P4HB: variants seen among roughly 807,000 people sequenced by gnomAD.
P4HB encodes the protein prolyl 4-hydroxylase subunit beta, also known as protein disulfide-isomerase.
Under a neutral mutation model 52.6 loss-of-function variants are expected in P4HB, and 20 were observed. That is an observed-to-expected ratio of 0.38 (90% CI 0.27 to 0.55). P4HB has a LOEUF of 0.55. Among genes scored for constraint, P4HB ranks in the 20% least tolerant of loss-of-function variants. The probability of loss-of-function intolerance (pLI) is 0.74; values close to 1 mark genes in which losing one functional copy is unlikely to be tolerated. For synonymous variants in P4HB, 296 were observed against 277.9 expected (o/e 1.07, Z -0.65); for missense variants, 601 against 669.2 (o/e 0.90, Z 1.12).
chr17:81,860,490 G>T lies in P4HB; in HGVS notation c.-19C>A, dbSNP rs763222254. 2 of 1,254,052 alleles carry T rather than the reference G, an allele frequency of 1.6e-6. No homozygotes were observed. The highest frequency in any genetic ancestry group is 1.0e-6 in the Non-Finnish European group (1 of 997,108). The allele number at this position is 1,254,052 out of a possible 1,614,324, so 77.7% of individuals were successfully genotyped here. A position where few individuals can be genotyped will look rare whatever the true frequency, so the allele number is the denominator to read the frequency against. On this transcript the variant is annotated 5_prime_UTR_variant, in exon 1 of 11. Transcript: ENST00000331483. ...GCAGCATGTCGGACACGGATCAGGC[G>T]GGGCGCTTCGGTTGGCGCCGCCGGG...
chr17:81,845,354 G>A (rs935761265), intron 9 of P4HB, 124 bp from the exon 10 acceptor site: 1 of 915,122 alleles, frequency 1.1e-6, no homozygotes, highest in African/African-American at 1.6e-5. Context: ...CCGGAATCCA[G>A]CACATTGGGA....
intron 4 of P4HB, chr17:81,847,548 C>A: frequency 1.7e-6 from 1 of 594,854 alleles, no homozygotes. Flanking sequence ...CTTATGGCTG[C>A]CCGTGAATTC....
chr17:81,860,366 C>G lies in P4HB; in HGVS notation c.106G>C (p.Glu36Gln). Residue 36 changes from glutamate to glutamine, a missense_variant, in exon 1 of 11, where the codon GAG becomes CAG. Coordinates refer to ENST00000331483, the MANE Select transcript of P4HB (RefSeq NM_000918.4). Reference sequence around the variant, plus strand: ...AGGTACTTGTGGGCCGCCAGCGCCTCCGCGAAGTTGCTTTTCCGCAGCACC... The same window carrying G: ...AGGTACTTGTGGGCCGCCAGCGCCTGCGCGAAGTTGCTTTTCCGCAGCACC... ...VLVLRKSNFA[E>Q]ALAAHKYLLV... is the part of the protein sequence containing the mutation. 6.8e-7 allele frequency: 1 copy of G among 1,473,724 alleles called. No individual in the cohort carries two copies. 91.3% of individuals were successfully genotyped at this position (1,473,724 alleles called of 1,614,324 possible).
intron 9 of P4HB, 116 bp downstream of exon 9, chr17:81,845,445 C>G: frequency 9.3e-7 from 1 of 1,072,286 alleles, no homozygotes; most frequent in Non-Finnish European, 1.3e-6. Context: ...GGAGCTCCCA[C>G]AGCTCTTCTC....
chr17:81,859,432 A>G, intron 1 of P4HB, 45 bp from the exon 2 acceptor site: 1 of 1,545,830 alleles, frequency 6.5e-7, no homozygotes, highest in South Asian at 1.1e-5. Flanking sequence ...TGATCCCTAA[A>G]GCAGCCTTGA....
rs749463599 is a variant in P4HB, at chr17:81,855,334, G to A, written c.487-55C>T. ...CATGATCCCGCAGCACCAAGCAGTAGGGCAGACCCTGTAGAGCCCAGGCCA... is the reference window on the plus strand; with the variant it reads ...CATGATCCCGCAGCACCAAGCAGTAAGGCAGACCCTGTAGAGCCCAGGCCA... On this transcript the variant is annotated intron_variant, in intron 3 of 10. Transcript: ENST00000331483. This position sits in a 1 kb window ranked among gnomAD's most constrained non-coding sequence, Gnocchi z 4.3. The A allele has an allele frequency of 6.2e-7, 1 of 1,611,414 alleles. No individual in the cohort carries two copies. Among genetic ancestry groups the A allele is most frequent in the Non-Finnish European group, 8.5e-7 (1 of 1,178,380 alleles).
chr17:81,860,025 G>A (rs906858684), intron 1 of P4HB: 3 of 265,518 alleles, frequency 1.1e-5, no homozygotes, highest in African/African-American at 6.7e-5. Context: ...CCCCGGGGAG[G>A]ACTCGGCAAG....
At chr17:81,844,828 C>T (rs541699981) in intron 10 of P4HB, among the ~76,000 whole-genome samples, 3 of 152,378 alleles carry the variant, frequency 2.0e-5, no homozygotes, top group Admixed American at 6.5e-5. Context: ...GGGGATGGAC[C>T]TCTGAGTCCA....
In P4HB at chr17:81,845,133, A is replaced by G. The variant is rs762356085; in HGVS notation, c.1446+11T>C. On this transcript the variant is annotated intron_variant, in intron 10 of 10. Coordinates refer to ENST00000331483, the MANE Select transcript of P4HB (RefSeq NM_000918.4). ...TCCCAGAGACCAGCCCAGGGCTGTG[A>G]CCCCACTCACGTCATCATCCCCTGC... 6.2e-7 allele frequency: 1 copy of G among 1,602,736 alleles called. No homozygotes were observed. The highest frequency in any genetic ancestry group is 8.5e-7 in the Non-Finnish European group (1 of 1,170,528).
Position 81,845,745 on chromosome 17 carries a change from G to A in P4HB, c.1178-3C>T. On this transcript the variant is annotated splice_polypyrimidine_tract_variant and splice_region_variant and intron_variant, in intron 8 of 10. Transcript: ENST00000331483. ...GCAGTGACCACACCATGGGGCATCT[G>A]AAAAGAAAGCAGTTCTAGGGTGTGT... is the stretch of plus-strand genomic sequence containing the variant. 6.2e-7 allele frequency: 1 copy of A among 1,612,564 alleles called. No individual in the cohort carries two copies. The highest frequency in any genetic ancestry group is 8.5e-7 in the Non-Finnish European group (1 of 1,178,882).
rs2038956618 is a variant in P4HB at position 81,858,957 on chromosome 17, G to A, written c.352+224C>T. ...GACCTCAGCCAGCCGCCCCCAGGAT[G>A]GCACCAGACAAGACAGGTTCTCCAT... On this transcript the variant is annotated intron_variant, in intron 2 of 10. Transcript: ENST00000331483. The A allele has an allele frequency of 5.4e-6, 3 of 557,220 alleles. No homozygotes were observed. In the African/African-American group the frequency reaches 5.7e-5, roughly 11 times the overall value. The allele number at this position is 557,220 out of a possible 1,614,324, so 34.5% of individuals were successfully genotyped here.
At chr17:81,853,647 G>A (rs1327080954) in intron 4 of P4HB, among the ~76,000 whole-genome samples, 1 of 152,018 alleles carries the variant, frequency 6.6e-6, no homozygotes, top group Non-Finnish European at 1.5e-5. Context: ...CCCAATCCCA[G>A]AGGCTGCCCG....
chr17:81,846,059 A>G lies in P4HB; in HGVS notation c.1057-68T>C. ...GGGACCACAGAGCTCCCCAACCCTC[A>G]CCCTGCCCGGGACTGAGGTGCGTGG... On this transcript the variant is annotated intron_variant, in intron 7 of 10. Coordinates refer to ENST00000331483, the MANE Select transcript of P4HB (RefSeq NM_000918.4). The surrounding 1 kb of genome is among the most constrained non-coding windows in gnomAD (Gnocchi z 5.7). 1 of 1,488,524 alleles carries G rather than the reference A, an allele frequency of 6.7e-7. No homozygotes were observed. The highest frequency in any genetic ancestry group is 8.9e-7 in the Non-Finnish European group (1 of 1,119,342). The allele number at this position is 1,488,524 out of a possible 1,614,324, so 92.2% of individuals were successfully genotyped here. A position where few individuals can be genotyped will look rare whatever the true frequency, so the allele number is the denominator to read the frequency against.
intron 4 of P4HB, among the ~76,000 whole-genome samples, chr17:81,852,774 C>A (rs994937409): frequency 1.3e-5 from 2 of 152,230 alleles, no homozygotes; most frequent in Admixed American, 6.5e-5. Context: ...CCAGCCTTCG[C>A]GGACACATAT....
chr17:81,856,647 CTT>C (rs112230345), intron 2 of P4HB, among the ~76,000 whole-genome samples: 79 of 128,410 alleles, frequency 6.2e-4, no homozygotes, highest in African/African-American at 1.8e-3. Context: ...AATGTTTCTT[CTT>C]TTTTTTTTTT....
intron 10 of P4HB, 68 bp from the exon 11 acceptor site, chr17:81,844,160 AC>A: frequency 9.3e-7 from 1 of 1,075,860 alleles, no homozygotes; most frequent in Non-Finnish European, 1.4e-6. Context: ...GGCCCCCAGC[AC>A]CCCACACTGC....
In P4HB at chr17:81,843,806, G is replaced by A; in HGVS notation, c.*206C>T. ...CCACCAGGGTGGGCTGCCTGGAGAT[G>A]GATCCCTTTCCAAAAACCGAAAAGC... On this transcript the variant is annotated 3_prime_UTR_variant, in exon 11 of 11. Coordinates refer to ENST00000331483, the MANE Select transcript of P4HB (RefSeq NM_000918.4). 1.6e-6 allele frequency: 1 copy of A among 609,148 alleles called. No homozygotes were observed. The highest frequency in any genetic ancestry group is 2.9e-6 in the Non-Finnish European group (1 of 342,494). The allele number at this position is 609,148 out of a possible 1,614,324, so 37.7% of individuals were successfully genotyped here.
intron 2 of P4HB, chr17:81,858,909 C>A: frequency 2.2e-6 from 1 of 458,886 alleles, no homozygotes; most frequent in South Asian, 2.5e-5. Flanking sequence ...GTCTCCCTCT[C>A]CTCGCTGGTC....
At chr17:81,852,256 T>C (rs1248246820) in intron 4 of P4HB, among the ~76,000 whole-genome samples, 2 of 152,146 alleles carry the variant, frequency 1.3e-5, no homozygotes, top group Admixed American at 6.5e-5. Context: ...CTCACACCCA[T>C]GGTGCCAGTG....
Sources: allele counts gnomAD v4.1 joint callset (sites outside exome capture counted in the v4.1 genomes callset), GRCh38; gene constraint gnomAD v4.1.1; non-coding constraint Gnocchi (gnomAD v3.1); transcripts MANE v1.5; gene names NCBI Gene and HGNC (gene_info 2026-07-23, HGNC 2026-07-21).